BBX: variants seen among roughly 807,000 people sequenced by gnomAD.
The protein encoded by BBX is BBX high mobility group box domain containing.
BBX carries 30 observed loss-of-function variants against 100.2 expected under a neutral mutation model. That is an observed-to-expected ratio of 0.30 (90% CI 0.22 to 0.41). BBX has a LOEUF of 0.41. Ranked by LOEUF, BBX falls within the 10% of genes least tolerant of loss-of-function variation. The pLI is 1.00. For missense variants in BBX, 1,023 were observed against 1,129.8 expected, an observed-to-expected ratio of 0.91 and a Z score of 1.35; for synonymous variants, 376 against 388.1, an observed-to-expected ratio of 0.97 and a Z score of 0.37.
intron 7 of BBX, among the ~76,000 whole-genome samples, chr3:107,735,473 A>C (rs1414697639): frequency 8.5e-5 from 13 of 152,112 alleles, no homozygotes; most frequent in African/African-American, 3.1e-4. Context: ...CTGGCTTTTA[A>C]AAATGCCATG....
rs563916265 is a variant in BBX, at chr3:107,608,377, A to G, written c.-83-37459A>G. ...TACCTTTGTCAAAAATGAGTTCACC[A>G]TAGATGTATGGATTTGTTTCTGGGT... is the stretch of plus-strand genomic sequence containing the variant. On this transcript the variant is annotated intron_variant, in intron 2 of 17. Coordinates refer to ENST00000325805, the MANE Select transcript of BBX (RefSeq NM_001142568.3). 3.9e-5 allele frequency among the ~76,000 whole-genome samples: 6 copies of G among 152,090 alleles called. No homozygotes were observed. In the South Asian group the frequency reaches 1.0e-3, roughly 26 times the overall value.
chr3:107,696,521 T>G (rs1433127832), intron 3 of BBX, among the ~76,000 whole-genome samples: 1 of 151,766 alleles, frequency 6.6e-6, no homozygotes. Context: ...TGTTGAATAC[T>G]GGCCCCCACT....
intron 10 of BBX, among the ~76,000 whole-genome samples, chr3:107,766,203 T>C (rs1209247014): frequency 6.6e-6 from 1 of 152,154 alleles, no homozygotes; most frequent in Non-Finnish European, 1.5e-5. Flanking sequence ...CACACACATA[T>C]ACACATACAA....
intron 2 of BBX, among the ~76,000 whole-genome samples, chr3:107,561,429 A>G (rs1019362848): frequency 6.6e-6 from 1 of 152,230 alleles, no homozygotes; most frequent in Non-Finnish European, 1.5e-5. Flanking sequence ...GGACTTATGT[A>G]TAAGAATATT....
At chr3:107,596,503 G>A (rs1322292729) in intron 2 of BBX, among the ~76,000 whole-genome samples, 1 of 152,128 alleles carries the variant, frequency 6.6e-6, no homozygotes, top group Non-Finnish European at 1.5e-5. Context: ...CCTCTCTCAG[G>A]GGCTGGCAGC....
intron 15 of BBX, among the ~76,000 whole-genome samples, chr3:107,795,055 A>AT (rs2069467509): frequency 6.6e-6 from 1 of 152,226 alleles, no homozygotes; most frequent in Non-Finnish European, 1.5e-5. Flanking sequence ...TGTGTGCTCA[A>AT]TTAAAAGCTG....
rs560519999 is a variant in BBX, at chr3:107,697,572, G to A, written c.-9-12880G>A. Among the ~76,000 whole-genome samples the A allele has an allele frequency of 6.4e-3, 976 of 151,986 alleles. 37 individuals are homozygous for A. The highest frequency in any genetic ancestry group is 0.022 in the African/African-American group (920 of 41,234). ...TGCCCGTTCTCAGATCTCCAGCCGC[G>A]TGCTGGGAGAACCGCTGCTCTCTTC... On this transcript the variant is annotated intron_variant, in intron 3 of 17. Transcript: ENST00000325805.
At chr3:107,536,718 A>G (rs777056108) in intron 2 of BBX, among the ~76,000 whole-genome samples, 4 of 152,166 alleles carry the variant, frequency 2.6e-5, no homozygotes, top group Admixed American at 2.0e-4. Flanking sequence ...AACTATACCA[A>G]TTTTTTCAAC....
chr3:107,548,451 T>C (rs549886812), intron 2 of BBX, among the ~76,000 whole-genome samples: 1 of 152,224 alleles, frequency 6.6e-6, no homozygotes, highest in East Asian at 1.9e-4. Flanking sequence ...CTGGGAGAGA[T>C]GTTTTTGGGA....
At chr3:107,769,767 C>T (rs1445280782) in intron 10 of BBX, among the ~76,000 whole-genome samples, 2 of 152,098 alleles carry the variant, frequency 1.3e-5, no homozygotes, top group African/African-American at 2.4e-5. Flanking sequence ...GTGATACGCT[C>T]ACTGTCTTTG....
At chr3:107,800,842 C>G (rs2070371089) in intron 16 of BBX, among the ~76,000 whole-genome samples, 1 of 152,180 alleles carries the variant, frequency 6.6e-6, no homozygotes, top group African/African-American at 2.4e-5. Context: ...ATTCTTTGAC[C>G]TCAGATAAAA....
intron 10 of BBX, among the ~76,000 whole-genome samples, chr3:107,765,640 A>C (rs886696096): frequency 1.5e-4 from 23 of 152,242 alleles, no homozygotes; most frequent in African/African-American, 5.3e-4. Flanking sequence ...ACTGCCTTCC[A>C]GTACATCACT....
intron 10 of BBX, among the ~76,000 whole-genome samples, chr3:107,763,334 C>T (rs2066070620): frequency 6.6e-6 from 1 of 151,976 alleles, no homozygotes; most frequent in South Asian, 2.1e-4. Context: ...ACGCCACTCT[C>T]CTGCCTCAGC....
At chr3:107,636,654 C>T (rs1051371121) in intron 2 of BBX, among the ~76,000 whole-genome samples, 2 of 152,168 alleles carry the variant, frequency 1.3e-5, no homozygotes, top group Non-Finnish European at 2.9e-5. Flanking sequence ...GCACTGATTT[C>T]TGTGGGTTGC....
intron 10 of BBX, among the ~76,000 whole-genome samples, chr3:107,768,586 ATAAACT>A (rs373299253): frequency 4.4e-4 from 67 of 152,292 alleles, no homozygotes; most frequent in Non-Finnish European, 8.4e-4. Context: ...TTTTGAAGAG[ATAAACT>A]TAATAAGAAA....
chr3:107,577,293 A>G (rs927701984), intron 2 of BBX, among the ~76,000 whole-genome samples: 1 of 152,210 alleles, frequency 6.6e-6, no homozygotes, highest in Non-Finnish European at 1.5e-5. Context: ...GACTCAGTAT[A>G]TGGTACTGTT....
At chr3:107,788,601 T>A (rs936857658) in intron 13 of BBX, among the ~76,000 whole-genome samples, 4 of 151,690 alleles carry the variant, frequency 2.6e-5, no homozygotes, top group Non-Finnish European at 4.4e-5. Flanking sequence ...AAACCCCAAC[T>A]TTACAAAAAA....
rs1242471742 is a variant in BBX, at chr3:107,698,074, C to A, written c.-9-12378C>A. Among the ~76,000 whole-genome samples the A allele has an allele frequency of 2.6e-5, 4 of 151,706 alleles. 1 individual carries two copies. The highest frequency in any genetic ancestry group is 9.7e-5 in the African/African-American group (4 of 41,048). On this transcript the variant is annotated intron_variant, in intron 3 of 17. Transcript: ENST00000325805. ...TTTGGCTCGTGCACGGTGCGCGCAC[C>A]CACTGACCTGCGCCCACTGAATGGC...
intron 2 of BBX, among the ~76,000 whole-genome samples, chr3:107,606,023 A>T (rs777635263): frequency 2.0e-5 from 3 of 152,222 alleles, no homozygotes; most frequent in Non-Finnish European, 2.9e-5. Context: ...AAAAGTTCAG[A>T]TAACCAGGTT....
Sources: gnomAD v4.1 joint callset for allele counts (sites outside exome capture counted in the v4.1 genomes callset) on GRCh38, gnomAD v4.1.1 for gene constraint, MANE v1.5 for transcripts, NCBI Gene and HGNC (gene_info 2026-07-23, HGNC 2026-07-21) for gene names.